ZNF91: variants seen among roughly 807,000 people sequenced by gnomAD.
ZNF91 encodes zinc finger protein 91.
ZNF91 carries 7 observed loss-of-function variants against 12.6 expected under a neutral mutation model. That is an observed-to-expected ratio of 0.55 (90% confidence interval 0.31 to 1.04). The LOEUF (loss-of-function observed/expected upper bound fraction) is 1.04, where lower values mean the gene tolerates loss of function less well. Ranked by LOEUF, ZNF91 falls within the 50% of genes least tolerant of loss-of-function variation. The probability of loss-of-function intolerance (pLI) is 0.05; values close to 1 mark genes in which losing one functional copy is unlikely to be tolerated. For synonymous variants in ZNF91, 453 were observed against 462.6 expected (o/e 0.98, Z 0.27); for missense variants, 1,217 against 1,385.4 (o/e 0.88, Z 1.93).
chr19:23,313,038 A>G (rs368770943), upstream of ZNF91, among the ~76,000 whole-genome samples: 3 of 152,254 alleles, frequency 2.0e-5, no homozygotes, highest in East Asian at 3.8e-4. Context: ...AACAGCACAC[A>G]GGAAAGATTG....
At chr19:23,366,092 C>T (rs1039147383) in intron 3 of ZNF91, among the ~76,000 whole-genome samples, 3 of 152,254 alleles carry the variant, frequency 2.0e-5, no homozygotes, top group Non-Finnish European at 4.4e-5. Flanking sequence ...GTACACCTCC[C>T]AGACGGGGTG....
In ZNF91 at chr19:23,373,822, T is replaced by G. The variant is rs1384105399; in HGVS notation, c.173A>C (p.Lys58Thr). The G allele has an allele frequency of 6.2e-7, 1 of 1,605,466 alleles. No homozygotes were observed. Among genetic ancestry groups the G allele is most frequent in the East Asian group, 2.2e-5 (1 of 44,456 alleles). ...CTCCAGATAAGTAATCAGGTCTGGCTTAGAGAGAGCAATACCTGTTTTATT... is the reference window on the plus strand; with the variant it reads ...CTCCAGATAAGTAATCAGGTCTGGCGTAGAGAGAGCAATACCTGTTTTATT... ...NLAFLGIALS[K>T]PDLITYLEQG... The change falls in exon 3 of 4, where the codon AAG becomes ACG. Residue 58 changes from lysine (K) to threonine (T), a missense_variant. Around this residue, in one of 2 missense-constraint regions of ZNF91, gnomAD observed 726 missense variants for 895.5 expected, o/e 0.81. Coordinates refer to ENST00000300619, the MANE Select transcript of ZNF91 (RefSeq NM_003430.4).
downstream of ZNF91, chr19:23,338,645 AACTACAAAG>A (rs1288678388): frequency 7.0e-6 from 1 of 143,794 alleles, no homozygotes; most frequent in Non-Finnish European, 1.5e-5. Flanking sequence ...AATTTTATTA[AACTACAAAG>A]ACAGATAAAA....
intron 3 of ZNF91, among the ~76,000 whole-genome samples, chr19:23,305,963 T>C (rs1967392063): frequency 6.6e-6 from 1 of 152,230 alleles, no homozygotes; most frequent in African/African-American, 2.4e-5. Context: ...AGAAGAGAAA[T>C]AATTCTACAT....
chr19:23,359,965 T>G lies in ZNF91; in HGVS notation c.3014A>C (p.Gln1005Pro). The change falls in exon 4 of 4, where the codon CAA becomes CCA. Residue 1005 changes from glutamine to proline, a missense_variant. This residue lies in a region of ZNF91 where 491 missense variants were observed against 489.8 expected (regional missense o/e 1.00). Transcript: ENST00000300619. ...KCEECGKAFS[Q>P]SSTLTRHTRM... ...CGTATGTCTAGTTAGGGTTGAGGAT[T>G]GGCTAAATGCTTTGCCACATTCTTC... 6.2e-7 allele frequency: 1 copy of G among 1,612,034 alleles called. No homozygotes were observed.
At chr19:23,394,985 A>G (rs1383161237) in intron 1 of ZNF91, among the ~76,000 whole-genome samples, 2 of 152,180 alleles carry the variant, frequency 1.3e-5, no homozygotes, top group African/African-American at 2.4e-5. Flanking sequence ...CTTCCTATTC[A>G]TGAGCCAGCA....
At chr19:23,331,180 C>T (rs1282274977) in intron 1 of ZNF91, among the ~76,000 whole-genome samples, 1 of 152,086 alleles carries the variant, frequency 6.6e-6, no homozygotes, top group Non-Finnish European at 1.5e-5. Flanking sequence ...GGGGTATGGG[C>T]ATGTCTTACA....
intron 1 of ZNF91, among the ~76,000 whole-genome samples, chr19:23,388,874 A>T (rs1969967523): frequency 6.6e-6 from 1 of 151,550 alleles, no homozygotes; most frequent in Non-Finnish European, 1.5e-5. Flanking sequence ...ACCATCTTTT[A>T]AAAAAAAAGA....
chr19:23,337,179 C>A (rs559908365), downstream of ZNF91, among the ~76,000 whole-genome samples: 3 of 152,016 alleles, frequency 2.0e-5, no homozygotes, highest in African/African-American at 7.2e-5. Context: ...CCCTCAATGA[C>A]CAACACAACA....
At chr19:23,311,763 T>C (rs915699794), upstream of ZNF91, among the ~76,000 whole-genome samples, 1 of 152,096 alleles carries the variant, frequency 6.6e-6, no homozygotes, top group African/African-American at 2.4e-5. Flanking sequence ...CCACGTATAT[T>C]GTGTATTGTG....
chr19:23,331,314 AAATTTGAGTTTACTTCAGAGAAGT>A (rs1398968611), intron 1 of ZNF91, among the ~76,000 whole-genome samples: 7 of 152,290 alleles, frequency 4.6e-5, no homozygotes, highest in African/African-American at 1.2e-4. Context: ...TACAAGTTTG[AAATTTGAGTTTACTTCAGAGAAGT>A]AATTTGAGTT....
intron 1 of ZNF91, among the ~76,000 whole-genome samples, chr19:23,387,776 C>G (rs1367058362): frequency 6.6e-6 from 1 of 151,618 alleles, no homozygotes; most frequent in African/African-American, 2.4e-5. Context: ...CCCATCTCTT[C>G]TAAAAATACA....
At position 23,395,459 on chromosome 19, in the gene ZNF91, G is replaced by T; in HGVS notation, c.-105C>A. 1 of 1,402,974 alleles carries T rather than the reference G, an allele frequency of 7.1e-7. No individual in the cohort carries two copies. Among genetic ancestry groups the T allele is most frequent in the Non-Finnish European group, 9.8e-7 (1 of 1,017,028 alleles). The allele number at this position is 1,402,974 out of a possible 1,614,324, so 86.9% of individuals were successfully genotyped here. A position where few individuals can be genotyped will look rare whatever the true frequency, so the allele number is the denominator to read the frequency against. On this transcript the variant is annotated 5_prime_UTR_variant, in exon 1 of 4. Coordinates refer to ENST00000300619, the MANE Select transcript of ZNF91 (RefSeq NM_003430.4). ...GAAGTCGAGACCTGGAAACTCCGGC[G>T]GCAGCGAGAGACAAAGGCCCAGCCA...
chr19:23,317,888 T>C (rs1446733151), intron 1 of ZNF91, among the ~76,000 whole-genome samples: 1 of 152,190 alleles, frequency 6.6e-6, no homozygotes, highest in Non-Finnish European at 1.5e-5. Context: ...ATACTTAGAA[T>C]TGGGTCATGT....
chr19:23,335,888 G>A (rs1967999365), downstream of ZNF91, among the ~76,000 whole-genome samples: 1 of 152,150 alleles, frequency 6.6e-6, no homozygotes, highest in Non-Finnish European at 1.5e-5. Flanking sequence ...GAAATCACCT[G>A]TCTTCTGCGT....
chr19:23,307,165 C>G (rs1187130066), intron 3 of ZNF91: 1 of 152,158 alleles, frequency 6.6e-6, no homozygotes, highest in East Asian at 1.9e-4. Context: ...TTATGTTACT[C>G]TTTTTTGGTT....
chr19:23,366,056 A>C (rs963610906), intron 3 of ZNF91, among the ~76,000 whole-genome samples: 2 of 152,186 alleles, frequency 1.3e-5, no homozygotes, highest in Non-Finnish European at 2.9e-5. Flanking sequence ...CACTGTCATC[A>C]TGGCCCGTTC....
intron 1 of ZNF91, among the ~76,000 whole-genome samples, chr19:23,316,255 C>G (rs1490239992): frequency 6.6e-6 from 1 of 151,874 alleles, no homozygotes; most frequent in Non-Finnish European, 1.5e-5. Flanking sequence ...AAGGCTCCGC[C>G]TGGGGCCTGT....
intron 1 of ZNF91, among the ~76,000 whole-genome samples, chr19:23,391,596 C>T (rs936575615): frequency 1.3e-5 from 2 of 152,192 alleles, no homozygotes; most frequent in African/African-American, 4.8e-5. Flanking sequence ...TTTTTACATA[C>T]ATCTAACTTT....
Sources: allele counts gnomAD v4.1 joint callset (sites outside exome capture counted in the v4.1 genomes callset), GRCh38; gene constraint gnomAD v4.1.1; regional missense constraint gnomAD v4.1.1; transcripts MANE v1.5; gene names NCBI Gene and HGNC (gene_info 2026-07-23, HGNC 2026-07-21).